Variants in MYH7B observed in about 807,000 individuals in gnomAD.
The protein encoded by MYH7B is myosin heavy chain 7B, also known as myosin-7B.
Under a neutral mutation model 234.5 loss-of-function variants are expected in MYH7B, and 205 were observed. That is an observed-to-expected ratio of 0.87 (90% CI 0.78 to 0.98). MYH7B has a LOEUF of 0.98. MYH7B is among the 50% of genes least tolerant of loss of function. MYH7B has a pLI of 0.00. For missense variants in MYH7B, 2,652 were observed against 2,633.4 expected (o/e 1.01, Z -0.15); for synonymous variants, 1,193 against 1,105.0 (o/e 1.08, Z -1.58).
exon 11 of MYH7B, chr20:34,984,709 G>A (rs2081988706): frequency 6.3e-7 from 1 of 1,599,644 alleles, no homozygotes; most frequent in Non-Finnish European, 8.5e-7. Flanking sequence ...TGGCAACAAA[G>A]ACGGGGGTGA....
intron 2 of MYH7B, among the ~76,000 whole-genome samples, chr20:34,959,184 C>T (rs145557815): frequency 1.3e-5 from 2 of 152,294 alleles, no homozygotes; most frequent in African/African-American, 2.4e-5. Flanking sequence ...GCATCAGCTA[C>T]GTGGAGGAAT....
exon 32 of MYH7B, chr20:34,997,599 G>C: frequency 6.2e-7 from 1 of 1,613,634 alleles, no homozygotes; most frequent in East Asian, 2.2e-5. Flanking sequence ...CATGGAGGTG[G>C]ACGACCTGGC....
At chr20:34,987,152 G>T (rs767818871) in exon 16 of MYH7B, 1 of 1,613,358 alleles carries the variant, frequency 6.2e-7, no homozygotes, top group South Asian at 1.1e-5. Flanking sequence ...CCCCCAGCAT[G>T]CCATGGACAT....
At chr20:34,978,355 A>G (rs2081889986) in intron 5 of MYH7B, among the ~76,000 whole-genome samples, 1 of 152,122 alleles carries the variant, frequency 6.6e-6, no homozygotes, top group Non-Finnish European at 1.5e-5. Context: ...CCGGAGCTGC[A>G]GTTTATGAAG....
chr20:34,997,245 C>A lies in MYH7B; in HGVS notation c.3358-6C>A. ...AGGTGACAGCTGCCCCACGTGCCCA[C>A]CCCAGGCTCGGGCGGAGGAGCTGGA... On this transcript the variant is annotated splice_region_variant and splice_polypyrimidine_tract_variant and intron_variant, in intron 31 of 44. Transcript: ENST00000262873. The A allele has an allele frequency of 6.4e-7, 1 of 1,557,426 alleles. No homozygotes were observed. The highest frequency in any genetic ancestry group is 1.2e-5 in the South Asian group (1 of 84,548).
Position 34,996,958 on chromosome 20 carries a change from C to A in MYH7B, c.3267-125C>A, listed in dbSNP as rs1258429847. 3.9e-6 allele frequency: 5 copies of A among 1,277,312 alleles called. No homozygotes were observed. The African/African-American group carries it at 8.6e-5, about 22-fold the overall frequency. The allele number at this position is 1,277,312 out of a possible 1,614,324, so 79.1% of individuals were successfully genotyped here. On this transcript the variant is annotated intron_variant, in intron 30 of 44. Coordinates refer to ENST00000262873, the Ensembl canonical transcript of MYH7B. ...GGGTCCAGGGCTGAGGCCTCAGGGC[C>A]CAGTGCAGCAGGTGCATGGGGTGAG...
At chr20:34,978,198 A>C in intron 5 of MYH7B, 102 bp downstream of exon 5, 5 of 1,403,214 alleles carry the variant, frequency 3.6e-6, no homozygotes, top group Non-Finnish European at 4.9e-6. Context: ...CTGAAGGGGC[A>C]TTGGGGCCTG....
rs761129171 is a variant in MYH7B, at chr20:34,999,154, C to CA, written c.4290dup (p.Glu1431ArgfsTer70). 1 of 1,613,652 alleles carries CA rather than the reference C, an allele frequency of 6.2e-7. No individual in the cohort carries two copies. Among genetic ancestry groups the CA allele is most frequent in the Admixed American group, 1.7e-5 (1 of 60,024 alleles). On this transcript the variant is annotated frameshift_variant, in exon 36 of 45. Coordinates refer to ENST00000262873, the Ensembl canonical transcript of MYH7B. LOFTEE classifies it high-confidence loss of function. ...GAGAAGGCCAAGCTGCGGCTACAGA[C>CA]AGAGTCAGAGGATGTAACCCTGGAG... is the stretch of plus-strand genomic sequence containing the variant.
At chr20:34,968,332 A>G (rs78343779) in intron 2 of MYH7B, among the ~76,000 whole-genome samples, 24 of 152,366 alleles carry the variant, frequency 1.6e-4, no homozygotes, top group Admixed American at 3.3e-4. Flanking sequence ...CATAGTGCTT[A>G]TGATGGGTCA....
At chr20:34,982,309 C>T (rs1325667878) in intron 9 of MYH7B, 150 bp from the exon 10 acceptor site, 4 of 677,330 alleles carry the variant, frequency 5.9e-6, no homozygotes, top group Non-Finnish European at 5.3e-6. Flanking sequence ...CACTGGCTTG[C>T]TTTGTACACC....
At chr20:35,001,001 C>A in exon 41 of MYH7B, 3 of 1,613,750 alleles carry the variant, frequency 1.9e-6, no homozygotes, top group Non-Finnish European at 2.5e-6. Context: ...GCCATGATGG[C>A]CGAGGAGCTG....
At chr20:34,962,835 C>T (rs139956603) in intron 2 of MYH7B, among the ~76,000 whole-genome samples, 446 of 152,288 alleles carry the variant, frequency 2.9e-3, no homozygotes, top group African/African-American at 0.01. Context: ...CAGTGGCTCA[C>T]GCCTGTCATC....
In MYH7B at chr20:34,987,254, C is replaced by T. The variant is rs180819033; in HGVS notation, c.1114C>T (p.Arg372Trp). Reference sequence around the variant, plus strand: ...CAACATGAAGTTCAAGCAGAAGCAGCGGGAGGAGCAGGCGGAGGCCGATGG... The same window carrying T: ...CAACATGAAGTTCAAGCAGAAGCAGTGGGAGGAGCAGGCGGAGGCCGATGG... Residue 372 changes from arginine to tryptophan, a missense_variant, in exon 16 of 45, where the codon CGG becomes TGG. Physicochemically the swap from Arg to Trp is moderately radical, Grantham distance 101 (BLOSUM62 -3). Coordinates refer to ENST00000262873, the Ensembl canonical transcript of MYH7B. The T allele has an allele frequency of 1.2e-4, 200 of 1,611,572 alleles. 1 individual carries two copies. In the East Asian group the frequency reaches 3.5e-3, roughly 28 times the overall value.
intron 27 of MYH7B, 118 bp downstream of exon 27, chr20:34,994,519 A>G: frequency 8.1e-7 from 1 of 1,241,482 alleles, no homozygotes; most frequent in Non-Finnish European, 1.1e-6. Context: ...TGTTCCAAAG[A>G]TGCCATGAGA....
chr20:34,981,361 T>C, intron 9 of MYH7B: 1 of 366,746 alleles, frequency 2.7e-6, no homozygotes, highest in Non-Finnish European at 4.9e-6. Flanking sequence ...GGGTTCTAAT[T>C]CTGGCTCAGG....
rs772953873 is a variant in MYH7B at position 35,000,750 on chromosome 20, G to A, written c.5179-18G>A. On this transcript the variant is annotated intron_variant, in intron 39 of 44. Transcript: ENST00000262873. Reference sequence around the variant, plus strand: ...AGGCCTGCTGGCTGGCTGGCTCTGAGACTCCTCTTCCCCTCAGAACACAGG... The same window carrying A: ...AGGCCTGCTGGCTGGCTGGCTCTGAAACTCCTCTTCCCCTCAGAACACAGG... The A allele has an allele frequency of 1.2e-6, 2 of 1,609,678 alleles. No individual in the cohort carries two copies. Among genetic ancestry groups the A allele is most frequent in the Non-Finnish European group, 1.7e-6 (2 of 1,178,120 alleles).
At chr20:34,989,520 C>G (rs552811091) in intron 19 of MYH7B, among the ~76,000 whole-genome samples, 1 of 152,264 alleles carries the variant, frequency 6.6e-6, no homozygotes, top group East Asian at 1.9e-4. Flanking sequence ...CACCTCAGTG[C>G]TGCAGATTTT....
rs116949746 is a variant in MYH7B, at chr20:34,975,155, G to T, written c.-221-245G>T. Among the ~76,000 whole-genome samples, 298 of 152,262 alleles carry T rather than the reference G, an allele frequency of 2.0e-3. 7 individuals carry two copies. In the East Asian group the frequency reaches 0.04, roughly 21 times the overall value. On this transcript the variant is annotated intron_variant, in intron 2 of 44. Transcript: ENST00000262873. ...TCAGTATTCTATTATCCTAGGTGAG[G>T]GATGGCCCGAAGGGGATAATTTTTC...
intron 7 of MYH7B, 52 bp from the exon 8 acceptor site, chr20:34,980,526 A>C (rs879581919): frequency 2.0e-5 from 29 of 1,474,028 alleles, no homozygotes; most frequent in Non-Finnish European, 2.7e-5. Flanking sequence ...AGACAGAGCA[A>C]GACTCCATCT....
Sources: gnomAD v4.1 joint callset for allele counts (sites outside exome capture counted in the v4.1 genomes callset) on GRCh38, gnomAD v4.1.1 for gene constraint, MANE v1.5 for transcripts, NCBI Gene and HGNC (gene_info 2026-07-23, HGNC 2026-07-21) for gene names.